The following ROBO2 variants were observed in gnomAD, a reference collection of about 807,000 sequenced individuals.
ROBO2 encodes roundabout homolog 2.
Under a neutral mutation model 160.8 loss-of-function variants are expected in ROBO2, and 53 were observed. That is an observed-to-expected ratio of 0.33 (90% CI 0.26 to 0.41). The LOEUF (loss-of-function observed/expected upper bound fraction) is 0.41, where lower values mean the gene tolerates loss of function less well. Ranked by LOEUF, ROBO2 falls within the 10% of genes least tolerant of loss-of-function variation. The pLI, the probability that ROBO2 is intolerant of heterozygous loss-of-function variation, is 1.00. For synonymous variants in ROBO2, 664 were observed against 611.7 expected, an observed-to-expected ratio of 1.09 and a Z score of -1.26; for missense variants, 1,577 against 1,722.4, an observed-to-expected ratio of 0.92 and a Z score of 1.49.
chr3:77,358,420 C>A (rs1032957765), intron 2 of ROBO2, among the ~76,000 whole-genome samples: 2 of 152,076 alleles, frequency 1.3e-5, no homozygotes, highest in Non-Finnish European at 2.9e-5. Flanking sequence ...ATTTTATCTG[C>A]GACAAACTTA....
chr3:77,533,496 T>A (rs1007302589), intron 6 of ROBO2, among the ~76,000 whole-genome samples: 2 of 152,174 alleles, frequency 1.3e-5, no homozygotes, highest in African/African-American at 4.8e-5. Flanking sequence ...ACTTCAAAGT[T>A]CCTTGGGGTG....
intron 2 of ROBO2, among the ~76,000 whole-genome samples, chr3:76,798,470 T>C (rs1041689846): frequency 6.6e-6 from 1 of 152,170 alleles, no homozygotes; most frequent in African/African-American, 2.4e-5. Context: ...TAGTTCAACA[T>C]ATGCAAGTCA....
intron 19 of ROBO2, among the ~76,000 whole-genome samples, chr3:77,601,189 T>C (rs2094422915): frequency 6.6e-6 from 1 of 152,200 alleles, no homozygotes; most frequent in Non-Finnish European, 1.5e-5. Flanking sequence ...AGTTTTAAGA[T>C]AGTTGAAAAT....
At chr3:76,748,404 A>G (rs941197057) in intron 2 of ROBO2, among the ~76,000 whole-genome samples, 2 of 151,784 alleles carry the variant, frequency 1.3e-5, no homozygotes, top group Non-Finnish European at 2.9e-5. Flanking sequence ...CACAAAAAAT[A>G]TGAATTGATT....
intron 2 of ROBO2, among the ~76,000 whole-genome samples, chr3:77,310,384 C>T (rs1280678976): frequency 2.0e-5 from 3 of 152,090 alleles, no homozygotes; most frequent in Non-Finnish European, 4.4e-5. Context: ...TTTGAAGACC[C>T]ATTTCGGGAG....
chr3:77,148,584 C>T (rs942681614), intron 2 of ROBO2, among the ~76,000 whole-genome samples: 2 of 152,194 alleles, frequency 1.3e-5, no homozygotes, highest in African/African-American at 4.8e-5. Flanking sequence ...CTTATCAATA[C>T]AGCAATAAAT....
At chr3:76,037,883 C>T in intron 2 of ROBO2, among the ~76,000 whole-genome samples, 1 of 151,910 alleles carries the variant, frequency 6.6e-6, no homozygotes, top group African/African-American at 2.4e-5. Context: ...GAAAGATTCG[C>T]TGAATGACAG....
chr3:76,775,608 A>C (rs537514892), intron 2 of ROBO2, among the ~76,000 whole-genome samples: 1 of 150,786 alleles, frequency 6.6e-6, no homozygotes, highest in African/African-American at 2.4e-5. Flanking sequence ...AAAACTTATT[A>C]ATGTCATAGG....
intron 2 of ROBO2, among the ~76,000 whole-genome samples, chr3:77,258,393 C>T (rs2058559228): frequency 6.6e-6 from 1 of 151,934 alleles, no homozygotes; most frequent in Admixed American, 6.6e-5. Context: ...ATATTCCTCC[C>T]CAATATTTTT....
chr3:76,924,872 G>A (rs1367168057), intron 2 of ROBO2, among the ~76,000 whole-genome samples: 1 of 152,236 alleles, frequency 6.6e-6, no homozygotes, highest in East Asian at 1.9e-4. Context: ...GATAAAGTGA[G>A]TTGACATGTG....
chr3:76,086,359 C>T (rs544152211), intron 2 of ROBO2, among the ~76,000 whole-genome samples: 114 of 152,256 alleles, frequency 7.5e-4, no homozygotes, highest in Middle Eastern at 3.4e-3. Flanking sequence ...CTAAGTCCCT[C>T]CTATGACACA....
At chr3:76,851,988 C>A (rs1186681109) in intron 2 of ROBO2, among the ~76,000 whole-genome samples, 1 of 151,994 alleles carries the variant, frequency 6.6e-6, no homozygotes, top group Non-Finnish European at 1.5e-5. Context: ...GAAAGAAAAA[C>A]TACAGAGTAA....
intron 2 of ROBO2, among the ~76,000 whole-genome samples, chr3:77,366,189 A>C (rs1176823101): frequency 6.6e-6 from 1 of 152,160 alleles, no homozygotes; most frequent in Admixed American, 6.6e-5. Flanking sequence ...AAAAAATTTC[A>C]AGTCTTTTAG....
At chr3:76,440,161 TTCCACTAAATAGCAAGACCTGGGGTCCA>T (rs2076859800) in intron 2 of ROBO2, among the ~76,000 whole-genome samples, 1 of 152,034 alleles carries the variant, frequency 6.6e-6, no homozygotes, top group African/African-American at 2.4e-5. Flanking sequence ...AAGCGAGAAA[TTCCACTAAATAGCAAGACCTGGGGTCCA>T]GATGTACAAC....
chr3:77,083,534 G>A (rs1004376052), intron 1 of ROBO2, among the ~76,000 whole-genome samples: 2 of 152,080 alleles, frequency 1.3e-5, no homozygotes, highest in Admixed American at 1.3e-4. Flanking sequence ...TGAGGAAAGG[G>A]AAAGAACATA....
chr3:76,269,762 G>A (rs1369088776), intron 2 of ROBO2, among the ~76,000 whole-genome samples: 1 of 151,848 alleles, frequency 6.6e-6, no homozygotes, highest in Non-Finnish European at 1.5e-5. Context: ...TATCTCTCGT[G>A]TCTATTTCAT....
chr3:76,625,325 A>G (rs914598252), intron 2 of ROBO2, among the ~76,000 whole-genome samples: 24 of 152,186 alleles, frequency 1.6e-4, no homozygotes, highest in African/African-American at 5.5e-4. Context: ...TGTAAAACAT[A>G]TAACTAAAGA....
chr3:77,428,978 AT>A (rs2078498577), intron 2 of ROBO2, among the ~76,000 whole-genome samples: 1 of 152,188 alleles, frequency 6.6e-6, no homozygotes, highest in South Asian at 2.1e-4. Context: ...ATTTTGATTT[AT>A]TTTTTATTAG....
intron 2 of ROBO2, among the ~76,000 whole-genome samples, chr3:76,855,959 A>T (rs893532389): frequency 2.6e-5 from 4 of 152,224 alleles, no homozygotes; most frequent in Non-Finnish European, 5.9e-5. Context: ...AGTTTTACCC[A>T]TGCTGAGCAT....
Sources: gnomAD v4.1 joint callset for allele counts (sites outside exome capture counted in the v4.1 genomes callset) on GRCh38, gnomAD v4.1.1 for gene constraint, MANE v1.5 for transcripts, NCBI Gene and HGNC (gene_info 2026-07-23, HGNC 2026-07-21) for gene names.